PPP3CC: variants seen among roughly 807,000 people sequenced by gnomAD.
PPP3CC encodes the protein serine/threonine-protein phosphatase 2B catalytic subunit gamma isoform.
A neutral mutation model predicts 60.3 loss-of-function variants in PPP3CC; 35 were observed. That is an observed-to-expected ratio of 0.58 (90% CI 0.44 to 0.77). The LOEUF (loss-of-function observed/expected upper bound fraction) is 0.77, where lower values mean the gene tolerates loss of function less well. Ranked by LOEUF, PPP3CC falls within the 30% of genes least tolerant of loss-of-function variation. PPP3CC has a pLI of 0.00. For synonymous variants in PPP3CC, 206 were observed against 224.3 expected, an observed-to-expected ratio of 0.92 and a Z score of 0.73; for missense variants, 570 against 628.9, an observed-to-expected ratio of 0.91 and a Z score of 1.00.
intron 4 of PPP3CC, among the ~76,000 whole-genome samples, chr8:22,500,155 C>G (rs1366740948): frequency 6.6e-6 from 1 of 152,110 alleles, no homozygotes; most frequent in East Asian, 1.9e-4. Flanking sequence ...AGTAGTCTTC[C>G]AGAAAATATG....
intron 6 of PPP3CC, among the ~76,000 whole-genome samples, chr8:22,520,152 C>T (rs187385924): frequency 4.4e-4 from 67 of 152,128 alleles, no homozygotes; most frequent in African/African-American, 1.2e-3. Flanking sequence ...TATTATCTCC[C>T]GCTTTCCTGG....
chr8:22,452,620 C>T (rs1408128491), intron 1 of PPP3CC, among the ~76,000 whole-genome samples: 1 of 152,168 alleles, frequency 6.6e-6, no homozygotes, highest in African/African-American at 2.4e-5. Flanking sequence ...GCCTCATTCT[C>T]ATGCCTGGCA....
intron 3 of PPP3CC, among the ~76,000 whole-genome samples, chr8:22,483,494 G>T (rs1315444345): frequency 6.6e-6 from 1 of 152,128 alleles, no homozygotes. Context: ...CACAGTGTTA[G>T]CCAGGATGGT....
intron 10 of PPP3CC, chr8:22,531,350 A>G: frequency 3.3e-6 from 5 of 1,518,624 alleles, no homozygotes; most frequent in Non-Finnish European, 4.4e-6. Flanking sequence ...AACTGTGCTA[A>G]GAGCTTAATG....
chr8:22,448,130 G>A (rs1836888415), intron 1 of PPP3CC, among the ~76,000 whole-genome samples: 1 of 152,178 alleles, frequency 6.6e-6, no homozygotes, highest in African/African-American at 2.4e-5. Flanking sequence ...TAGACAATCA[G>A]ACAAATCCAG....
intron 3 of PPP3CC, among the ~76,000 whole-genome samples, chr8:22,485,111 C>T (rs187196178): frequency 3.2e-4 from 49 of 152,206 alleles, no homozygotes; most frequent in African/African-American, 1.1e-3. Flanking sequence ...AACATGTTAC[C>T]GGCTGGAATC....
chr8:22,460,915 G>A (rs1180647093), intron 1 of PPP3CC, among the ~76,000 whole-genome samples: 6 of 151,498 alleles, frequency 4.0e-5, no homozygotes, highest in African/African-American at 9.7e-5. Context: ...GTGTGATCTC[G>A]GCTCACTGCA....
chr8:22,502,173 A>G (rs1408836095), intron 4 of PPP3CC, among the ~76,000 whole-genome samples: 3 of 152,218 alleles, frequency 2.0e-5, no homozygotes, highest in Admixed American at 2.0e-4. Flanking sequence ...AGTGGATTAT[A>G]CATACAAAGA....
At chr8:22,482,708 A>G (rs980973404) in intron 3 of PPP3CC, among the ~76,000 whole-genome samples, 3 of 152,228 alleles carry the variant, frequency 2.0e-5, no homozygotes, top group Non-Finnish European at 4.4e-5. Context: ...GTTTCTTCTT[A>G]TGTGATGTTC....
chr8:22,493,184 T>G, intron 3 of PPP3CC: 1 of 1,192,116 alleles, frequency 8.4e-7, no homozygotes, highest in Non-Finnish European at 1.2e-6. Context: ...TTATGACTGC[T>G]TTTTAAGAAA....
At chr8:22,529,676 G>T (rs1839651011) in intron 10 of PPP3CC, among the ~76,000 whole-genome samples, 1 of 152,062 alleles carries the variant, frequency 6.6e-6, no homozygotes. Flanking sequence ...TATAGATGGG[G>T]TTTCGCCATG....
chr8:22,441,328 G>A lies in PPP3CC; in HGVS notation c.-82G>A. On this transcript the variant is annotated 5_prime_UTR_variant, in exon 1 of 14. Coordinates refer to ENST00000240139, the MANE Select transcript of PPP3CC (RefSeq NM_005605.5). ...CTGGCTGACGGCTCCGGGCAGCTAA[G>A]GCTGCCCGAGGAGAAGGCGGCGGCC... The A allele has an allele frequency of 7.1e-7, 1 of 1,408,866 alleles. No homozygotes were observed. Among genetic ancestry groups the A allele is most frequent in the Non-Finnish European group, 9.5e-7 (1 of 1,054,212 alleles). 87.3% of individuals were successfully genotyped at this position (1,408,866 alleles called of 1,614,324 possible).
At chr8:22,530,992 A>C (rs112870852) in intron 10 of PPP3CC, among the ~76,000 whole-genome samples, 3 of 152,282 alleles carry the variant, frequency 2.0e-5, no homozygotes, top group African/African-American at 7.2e-5. Context: ...TTTATTCTGC[A>C]AATAATATCT....
intron 12 of PPP3CC, among the ~76,000 whole-genome samples, chr8:22,538,707 A>C (rs1331627919): frequency 1.3e-5 from 2 of 152,192 alleles, no homozygotes; most frequent in Non-Finnish European, 2.9e-5. Context: ...TGTTGGTACT[A>C]ATTTTTAAGT....
chr8:22,478,479 T>C (rs1484141711), intron 3 of PPP3CC, among the ~76,000 whole-genome samples: 1 of 152,222 alleles, frequency 6.6e-6, no homozygotes, highest in Non-Finnish European at 1.5e-5. Context: ...TAAATTATTA[T>C]GCCAAATTAT....
chr8:22,539,387 C>A, intron 12 of PPP3CC, 82 bp from the exon 13 acceptor site: 3 of 1,483,672 alleles, frequency 2.0e-6, no homozygotes, highest in Non-Finnish European at 2.8e-6. Context: ...CCTGGGATGG[C>A]TGTGCTGCCA....
intron 6 of PPP3CC, among the ~76,000 whole-genome samples, chr8:22,521,398 A>G (rs1274263410): frequency 6.6e-6 from 1 of 152,136 alleles, no homozygotes; most frequent in African/African-American, 2.4e-5. Flanking sequence ...ACTGCAGACA[A>G]GTGGGACTGG....
chr8:22,499,371 G>A (rs2469748), intron 4 of PPP3CC, among the ~76,000 whole-genome samples: 70,458 of 149,600 alleles, frequency 0.47, 16,630 homozygotes, highest in East Asian at 0.6. Context: ...CCCGGGAAGC[G>A]GAGCTTGCAG....
At chr8:22,449,209 G>A (rs796847361) in intron 1 of PPP3CC, among the ~76,000 whole-genome samples, 7 of 152,300 alleles carry the variant, frequency 4.6e-5, no homozygotes, top group African/African-American at 1.7e-4. Flanking sequence ...AGTACTTTGG[G>A]AGGCCAAGGC....
Sources: gnomAD v4.1 joint callset for allele counts (sites outside exome capture counted in the v4.1 genomes callset) on GRCh38, gnomAD v4.1.1 for gene constraint, MANE v1.5 for transcripts, NCBI Gene and HGNC (gene_info 2026-07-23, HGNC 2026-07-21) for gene names.